The following UNC5D variants were observed in gnomAD, a reference collection of about 807,000 sequenced individuals.
UNC5D encodes netrin receptor UNC5D.
UNC5D carries 39 observed loss-of-function variants against 105.4 expected under a neutral mutation model. That is an observed-to-expected ratio of 0.37 (90% confidence interval 0.29 to 0.48). The LOEUF is 0.48. Among genes scored for constraint, UNC5D ranks in the 20% least tolerant of loss-of-function variants. The pLI is 0.98. For missense variants in UNC5D, 991 were observed against 1,202.4 expected (o/e 0.82, Z 2.60); for synonymous variants, 452 against 450.4 (o/e 1.00, Z -0.04).
At chr8:35,588,312 GA>G (rs1247870032) in intron 3 of UNC5D, among the ~76,000 whole-genome samples, 1 of 152,004 alleles carries the variant, frequency 6.6e-6, no homozygotes, top group Non-Finnish European at 1.5e-5. Context: ...AGACTTGCAA[GA>G]AAAAAGTGAG....
intron 1 of UNC5D, among the ~76,000 whole-genome samples, chr8:35,343,101 C>T (rs779808345): frequency 7.9e-5 from 12 of 151,998 alleles, no homozygotes; most frequent in Non-Finnish European, 1.3e-4. Context: ...CTGACAAGTT[C>T]CTAGGTGATA....
At chr8:35,743,069 G>A (rs966538039) in intron 11 of UNC5D, among the ~76,000 whole-genome samples, 1 of 152,146 alleles carries the variant, frequency 6.6e-6, no homozygotes, top group Non-Finnish European at 1.5e-5. Flanking sequence ...CCCAAGCGGT[G>A]TATACTGTAC....
intron 4 of UNC5D, among the ~76,000 whole-genome samples, chr8:35,656,586 G>C (rs142283808): frequency 6.6e-6 from 1 of 152,254 alleles, no homozygotes; most frequent in East Asian, 1.9e-4. Flanking sequence ...AGAGCATAGA[G>C]AGAGTCACTT....
At chr8:35,382,197 A>AT (rs1803086472) in intron 1 of UNC5D, among the ~76,000 whole-genome samples, 1 of 152,218 alleles carries the variant, frequency 6.6e-6, no homozygotes, top group African/African-American at 2.4e-5. Flanking sequence ...ACAGACTAAG[A>AT]TAAAATCTGT....
At chr8:35,503,467 C>T (rs1279611560) in intron 1 of UNC5D, among the ~76,000 whole-genome samples, 1 of 152,108 alleles carries the variant, frequency 6.6e-6, no homozygotes, top group Non-Finnish European at 1.5e-5. Flanking sequence ...CAATTATCTC[C>T]CACCAGGTCC....
intron 1 of UNC5D, among the ~76,000 whole-genome samples, chr8:35,421,656 T>C (rs1805911505): frequency 6.6e-6 from 1 of 151,634 alleles, no homozygotes; most frequent in African/African-American, 2.4e-5. Context: ...AAAATAGTTA[T>C]ATATCAGATA....
rs563395041 is a variant in UNC5D at position 35,493,824 on chromosome 8, A to G, written c.104-55468A>G. 7.9e-5 allele frequency among the ~76,000 whole-genome samples: 12 copies of G among 152,262 alleles called. No individual in the cohort carries two copies. The East Asian group carries it at 2.3e-3, about 29-fold the overall frequency. ...TACTCTATTCTCCGTATTTCCATGA[A>G]TAAGACCTTGCATTTCTAGGTTATA... is the stretch of plus-strand genomic sequence containing the variant. On this transcript the variant is annotated intron_variant, in intron 1 of 16. Coordinates refer to ENST00000404895, the MANE Select transcript of UNC5D (RefSeq NM_080872.4).
At chr8:35,719,760 G>T (rs1828474051) in intron 8 of UNC5D, among the ~76,000 whole-genome samples, 1 of 152,048 alleles carries the variant, frequency 6.6e-6, no homozygotes, top group African/African-American at 2.4e-5. Flanking sequence ...TTCCCATTTT[G>T]CTTATCTCTC....
intron 4 of UNC5D, among the ~76,000 whole-genome samples, chr8:35,644,237 G>A (rs1273930401): frequency 6.6e-6 from 1 of 152,134 alleles, no homozygotes; most frequent in African/African-American, 2.4e-5. Flanking sequence ...TAAGTGGGAA[G>A]GGAGGGTTGA....
chr8:35,665,767 T>C (rs1487900251), intron 4 of UNC5D, among the ~76,000 whole-genome samples: 1 of 151,874 alleles, frequency 6.6e-6, no homozygotes, highest in East Asian at 1.9e-4. Flanking sequence ...CGATGTAAAT[T>C]ATTGAATTTA....
intron 11 of UNC5D, among the ~76,000 whole-genome samples, chr8:35,745,492 C>A (rs1829955351): frequency 6.6e-6 from 1 of 152,176 alleles, no homozygotes; most frequent in East Asian, 1.9e-4. Flanking sequence ...TAAATGCCCA[C>A]CATGCACATG....
chr8:35,368,541 C>T (rs766339664), intron 1 of UNC5D, among the ~76,000 whole-genome samples: 1 of 150,414 alleles, frequency 6.6e-6, no homozygotes, highest in Non-Finnish European at 1.5e-5. Context: ...TTACTATTAC[C>T]TAAGAAATGT....
chr8:35,459,935 A>G (rs1808771055), intron 1 of UNC5D, among the ~76,000 whole-genome samples: 1 of 152,174 alleles, frequency 6.6e-6, no homozygotes, highest in African/African-American at 2.4e-5. Flanking sequence ...CCTTTAGACA[A>G]GTGTAACTAA....
chr8:35,277,773 G>C (rs79331555), intron 1 of UNC5D, among the ~76,000 whole-genome samples: 1 of 152,194 alleles, frequency 6.6e-6, no homozygotes, highest in African/African-American at 2.4e-5. Context: ...TCCATCTCTT[G>C]TTGTCTTTCT....
intron 1 of UNC5D, among the ~76,000 whole-genome samples, chr8:35,472,626 A>T (rs976798266): frequency 3.3e-5 from 5 of 152,202 alleles, no homozygotes; most frequent in Non-Finnish European, 7.3e-5. Flanking sequence ...ATAGTGCATG[A>T]CATTTCTATC....
chr8:35,313,565 TG>T (rs1311005468), intron 1 of UNC5D, among the ~76,000 whole-genome samples: 1 of 152,184 alleles, frequency 6.6e-6, no homozygotes, highest in Non-Finnish European at 1.5e-5. Context: ...TTCTTCTAAA[TG>T]GGATAATGCA....
chr8:35,655,358 C>T (rs1053716199), intron 4 of UNC5D, among the ~76,000 whole-genome samples: 9 of 152,202 alleles, frequency 5.9e-5, no homozygotes, highest in African/African-American at 2.2e-4. Context: ...CAACTCACGA[C>T]GCTAGGTAGA....
intron 1 of UNC5D, among the ~76,000 whole-genome samples, chr8:35,328,914 TC>T (rs753383875): frequency 3.3e-5 from 5 of 152,274 alleles, no homozygotes; most frequent in East Asian, 3.9e-4. Context: ...TTGTGATGTG[TC>T]TTTTTCTCCT....
chr8:35,391,859 A>G (rs1177192742), intron 1 of UNC5D, among the ~76,000 whole-genome samples: 2 of 152,178 alleles, frequency 1.3e-5, no homozygotes, highest in African/African-American at 4.8e-5. Context: ...GAAGCCATTA[A>G]TCTTGCTGAT....
Sources: gnomAD v4.1 joint callset for allele counts (sites outside exome capture counted in the v4.1 genomes callset) on GRCh38, gnomAD v4.1.1 for gene constraint, MANE v1.5 for transcripts, NCBI Gene and HGNC (gene_info 2026-07-23, HGNC 2026-07-21) for gene names.